The following PAK3 variants were observed in gnomAD, a reference collection of about 807,000 sequenced individuals.
PAK3 encodes serine/threonine-protein kinase PAK 3.
PAK3 carries 4 observed loss-of-function variants against 41.0 expected under a neutral mutation model. The ratio of observed to expected loss-of-function variants is 0.10; its 90% CI spans 0.05 to 0.22. PAK3 has a LOEUF of 0.22. Ranked by LOEUF, PAK3 falls within the 10% of genes least tolerant of loss-of-function variation. The pLI, the probability that PAK3 is intolerant of heterozygous loss-of-function variation, is 1.00. For missense variants in PAK3, 205 were observed against 409.9 expected (o/e 0.50, Z 4.32); for synonymous variants, 146 against 139.6 (o/e 1.05, Z -0.32).
chrX:111,151,394 CA>C (rs2149131270), intron 7 of PAK3, among the ~76,000 whole-genome samples: 1 of 112,367 alleles, frequency 8.9e-6, no homozygotes, highest in South Asian at 3.7e-4. Context: ...CTCAACTGTA[CA>C]GTTGTACTGT....
At chrX:111,196,856 T>TTC (rs199738857) in intron 16 of PAK3, among the ~76,000 whole-genome samples, 5,971 of 79,392 alleles carry the variant, frequency 0.075, 608 homozygotes, top group African/African-American at 0.48. Flanking sequence ...CTTTCTTTCT[T>TTC]TTTTTTTTTT....
At chrX:111,012,882 A>G (rs1001558547) in intron 1 of PAK3, among the ~76,000 whole-genome samples, 2 of 111,753 alleles carry the variant, frequency 1.8e-5, no homozygotes, top group East Asian at 2.8e-4. Context: ...TTCCTGGCTC[A>G]AGCAATTTTT....
At chrX:111,215,250 G>A (rs1442207951) in intron 16 of PAK3, among the ~76,000 whole-genome samples, 3 of 111,684 alleles carry the variant, frequency 2.7e-5, no homozygotes, top group African/African-American at 9.8e-5. Flanking sequence ...ATCAGTAATG[G>A]CCAGCTTTCT....
At chrX:111,138,125 C>T (rs934208484) in intron 5 of PAK3, among the ~76,000 whole-genome samples, 2 of 107,804 alleles carry the variant, frequency 1.9e-5, no homozygotes, top group East Asian at 2.9e-4. Context: ...AAAGTGGGGA[C>T]GTAGATTCAA....
intron 1 of PAK3, among the ~76,000 whole-genome samples, chrX:110,980,523 G>T (rs1439453763): frequency 1.8e-5 from 2 of 111,222 alleles, no homozygotes; most frequent in African/African-American, 6.5e-5. Flanking sequence ...TCTGTCTATT[G>T]TAGGGGCCAA....
chrX:111,125,781 G>A (rs1445640908), intron 5 of PAK3, among the ~76,000 whole-genome samples: 1 of 111,536 alleles, frequency 9.0e-6, no homozygotes, highest in African/African-American at 3.3e-5. Flanking sequence ...AAGGTCCTAT[G>A]AGACTTTCTA....
chrX:110,976,356 A>G (rs906921329), intron 1 of PAK3, among the ~76,000 whole-genome samples: 8 of 112,613 alleles, frequency 7.1e-5, no homozygotes, highest in Non-Finnish European at 1.3e-4. Context: ...GACACATGAA[A>G]AAATGCTCAT....
chrX:110,959,275 A>G (rs1260208779), intron 1 of PAK3, among the ~76,000 whole-genome samples: 1 of 111,969 alleles, frequency 8.9e-6, no homozygotes, highest in Non-Finnish European at 1.9e-5. Flanking sequence ...GTCTATTCAG[A>G]GTTTCGAGAC....
chrX:111,130,048 TC>T (rs2093697222), intron 5 of PAK3, among the ~76,000 whole-genome samples: 1 of 112,122 alleles, frequency 8.9e-6, no homozygotes, highest in African/African-American at 3.2e-5. Context: ...TTCAAATGTT[TC>T]CCATCAAAGT....
intron 1 of PAK3, among the ~76,000 whole-genome samples, chrX:111,001,916 C>T (rs1473076761): frequency 9.2e-6 from 1 of 108,497 alleles, no homozygotes; most frequent in Non-Finnish European, 1.9e-5. Flanking sequence ...TTTGACCAGT[C>T]CACACAAGAG....
chrX:111,030,327 T>C (rs973214973), intron 1 of PAK3, among the ~76,000 whole-genome samples: 6 of 111,150 alleles, frequency 5.4e-5, no homozygotes, highest in Non-Finnish European at 1.1e-4. Flanking sequence ...ATGAGAATTA[T>C]TGGGAATGTG....
chrX:111,139,513 G>A (rs1196781165), intron 5 of PAK3, among the ~76,000 whole-genome samples: 2 of 111,650 alleles, frequency 1.8e-5, no homozygotes, highest in Non-Finnish European at 3.8e-5. Flanking sequence ...GGAGCCTAAG[G>A]CCTTGCTTCT....
chrX:110,957,605 A>G (rs942153495), intron 1 of PAK3, among the ~76,000 whole-genome samples: 2 of 111,691 alleles, frequency 1.8e-5, no homozygotes, highest in Non-Finnish European at 3.8e-5. Flanking sequence ...GACCCTGGCC[A>G]TGGCTGGTGA....
chrX:111,085,052 A>T (rs999548043), intron 1 of PAK3, among the ~76,000 whole-genome samples: 6 of 112,132 alleles, frequency 5.4e-5, no homozygotes, highest in African/African-American at 1.9e-4. Flanking sequence ...TAACTTTTTT[A>T]GTACAAGCAG....
At chrX:111,059,212 C>T (rs1215156839) in intron 1 of PAK3, among the ~76,000 whole-genome samples, 1 of 106,086 alleles carries the variant, frequency 9.4e-6, no homozygotes, top group Non-Finnish European at 1.9e-5. Flanking sequence ...ACTTTGTCAC[C>T]GAGGCTGGAG....
At chrX:111,172,737 G>T (rs2149244542) in intron 10 of PAK3, among the ~76,000 whole-genome samples, 1 of 109,674 alleles carries the variant, frequency 9.1e-6, no homozygotes, top group East Asian at 2.9e-4. Context: ...AGTTTTTTTT[G>T]TTTTCCAAAT....
chrX:111,122,693 C>G (rs943926073), intron 4 of PAK3, among the ~76,000 whole-genome samples: 2 of 111,657 alleles, frequency 1.8e-5, no homozygotes, highest in African/African-American at 6.5e-5. Flanking sequence ...CAATTCCAAA[C>G]TCTGAGGAGG....
intron 1 of PAK3, among the ~76,000 whole-genome samples, chrX:110,989,701 C>A (rs774599945): frequency 1.8e-5 from 2 of 111,813 alleles, no homozygotes; most frequent in Non-Finnish European, 3.8e-5. Flanking sequence ...TAGGTATCTT[C>A]TGCATTATCA....
intron 6 of PAK3, among the ~76,000 whole-genome samples, chrX:111,144,521 G>A (rs1178232183): frequency 9.0e-6 from 1 of 111,621 alleles, no homozygotes; most frequent in Non-Finnish European, 1.9e-5. Flanking sequence ...GTAGGATTTA[G>A]AATTGGGTCC....
Sources: gnomAD v4.1 joint callset for allele counts (sites outside exome capture counted in the v4.1 genomes callset) on GRCh38, gnomAD v4.1.1 for gene constraint, MANE v1.5 for transcripts, NCBI Gene and HGNC (gene_info 2026-07-23, HGNC 2026-07-21) for gene names.